CPEB1: variants seen among roughly 807,000 people sequenced by gnomAD.
CPEB1 encodes cytoplasmic polyadenylation element binding protein 1, also known as cytoplasmic polyadenylation element-binding protein 1.
In CPEB1, 7 loss-of-function variants were observed where a neutral mutation model predicts 65.8. That is an observed-to-expected ratio of 0.11 (90% CI 0.06 to 0.20). The LOEUF is 0.20. Ranked by LOEUF, CPEB1 falls within the 10% of genes least tolerant of loss-of-function variation. The pLI is 1.00. For synonymous variants in CPEB1, 262 were observed against 260.0 expected, an observed-to-expected ratio of 1.01 and a Z score of -0.08; for missense variants, 551 against 712.2, an observed-to-expected ratio of 0.77 and a Z score of 2.58.
chr15:82,545,194 T>C (rs2034951433), intron 12 of CPEB1, among the ~76,000 whole-genome samples: 1 of 152,188 alleles, frequency 6.6e-6, no homozygotes, highest in Admixed American at 6.5e-5. Flanking sequence ...AAGCCACTAA[T>C]CTCTGAGCAA....
intron 3 of CPEB1, among the ~76,000 whole-genome samples, chr15:82,594,430 TC>T (rs1170722869): frequency 1.3e-5 from 2 of 152,182 alleles, no homozygotes; most frequent in African/African-American, 4.8e-5. Flanking sequence ...TTCCAAATTT[TC>T]TTGTGCAGCT....
chr15:82,586,453 G>A (rs1400646575), intron 3 of CPEB1, among the ~76,000 whole-genome samples: 8 of 151,986 alleles, frequency 5.3e-5, no homozygotes, highest in African/African-American at 1.7e-4. Flanking sequence ...TTAAACTCTA[G>A]ACTATTTACA....
chr15:82,647,893 G>A (rs1226881509), upstream of CPEB1: 25 of 1,233,422 alleles, frequency 2.0e-5, no homozygotes, highest in East Asian at 7.7e-4. Context: ...GCCCTGCGGG[G>A]CTGACGGGCT....
intron 4 of CPEB1, among the ~76,000 whole-genome samples, chr15:82,565,000 C>T (rs1476268215): frequency 6.6e-6 from 1 of 152,136 alleles, no homozygotes; most frequent in African/African-American, 2.4e-5. Context: ...GATCAGGGTG[C>T]CCCAGAATTA....
chr15:82,558,187 C>G (rs2037562269), intron 4 of CPEB1, among the ~76,000 whole-genome samples: 1 of 152,220 alleles, frequency 6.6e-6, no homozygotes, highest in East Asian at 1.9e-4. Context: ...AAGTTACAAG[C>G]TGACTGAAGA....
chr15:82,607,551 C>T (rs944544209), intron 3 of CPEB1, among the ~76,000 whole-genome samples: 1 of 151,994 alleles, frequency 6.6e-6, no homozygotes, highest in African/African-American at 2.4e-5. Context: ...CACACCACTG[C>T]ACTCCAGCCT....
At chr15:82,641,120 T>C (rs528813580) in intron 1 of CPEB1, among the ~76,000 whole-genome samples, 4 of 152,172 alleles carry the variant, frequency 2.6e-5, no homozygotes, top group East Asian at 3.9e-4. Context: ...TCCTAGTCCA[T>C]GAAAAGAGGA....
intron 3 of CPEB1, among the ~76,000 whole-genome samples, chr15:82,614,848 AGTGT>A (rs752486940): frequency 0.02 from 2,872 of 143,964 alleles, 73 homozygotes; most frequent in African/African-American, 0.06. Context: ...TTAAAATATA[AGTGT>A]GTGTGTGTGT....
intron 6 of CPEB1, 87 bp downstream of exon 6, chr15:82,555,783 C>T: frequency 2.1e-6 from 3 of 1,405,336 alleles, no homozygotes; most frequent in Non-Finnish European, 2.9e-6. Context: ...CTCCTCTAGA[C>T]AGTTCACAAG....
At chr15:82,638,006 A>C (rs2046805271) in intron 1 of CPEB1, 1 of 453,858 alleles carries the variant, frequency 2.2e-6, no homozygotes, top group South Asian at 1.6e-5. Flanking sequence ...ATTTTTGCAG[A>C]TCTCTTTAGT....
intron 3 of CPEB1, among the ~76,000 whole-genome samples, chr15:82,610,562 TA>T (rs561601326): frequency 2.0e-5 from 3 of 150,010 alleles, no homozygotes; most frequent in Admixed American, 6.6e-5. Context: ...AGAACAAAAG[TA>T]AAAAAAAATC....
intron 1 of CPEB1, among the ~76,000 whole-genome samples, chr15:82,635,236 G>A (rs912754648): frequency 2.0e-5 from 3 of 152,224 alleles, no homozygotes; most frequent in African/African-American, 7.2e-5. Flanking sequence ...ATTCTATTAC[G>A]ATTTTGAAGA....
chr15:82,637,727 G>C lies in CPEB1; in HGVS notation c.-97-9171C>G, dbSNP rs76462944. On this transcript the variant is annotated intron_variant, in intron 1 of 12. Transcript: ENST00000684509. Reference sequence around the variant, plus strand: ...CATTCCTGCCTGGATATTCTTACAGGATCTCTGGAAAGTACAAATCTAATC... The same window carrying C: ...CATTCCTGCCTGGATATTCTTACAGCATCTCTGGAAAGTACAAATCTAATC... 7.9e-3 allele frequency among the ~76,000 whole-genome samples: 1,201 copies of C among 152,170 alleles called. 18 individuals carry two copies. Among genetic ancestry groups the C allele is most frequent in the African/African-American group, 0.026 (1,098 of 41,500 alleles).
Position 82,621,186 on chromosome 15 carries a change from T to C in CPEB1, c.271+6007A>G, listed in dbSNP as rs940256935. ...GTTTATGATCCAGTACAATAAGAAG[T>C]GAAACCATCTCAGTCAAAAATTCAA... On this transcript the variant is annotated intron_variant, in intron 3 of 12. Transcript: ENST00000684509. Among the ~76,000 whole-genome samples, 7 of 152,222 alleles carry C rather than the reference T, an allele frequency of 4.6e-5. No individual in the cohort carries two copies. In the East Asian group the frequency reaches 1.4e-3, roughly 29 times the overall value.
intron 3 of CPEB1, among the ~76,000 whole-genome samples, chr15:82,589,704 G>C (rs953918203): frequency 6.6e-6 from 1 of 151,222 alleles, no homozygotes; most frequent in Admixed American, 6.6e-5. Flanking sequence ...CTGGGCAACA[G>C]AGCAAGACTC....
intron 8 of CPEB1, among the ~76,000 whole-genome samples, chr15:82,553,225 G>A (rs2036586283): frequency 6.6e-6 from 1 of 152,152 alleles, no homozygotes; most frequent in Non-Finnish European, 1.5e-5. Context: ...TACAAGGAAG[G>A]GGTTTCAGAG....
rs559295787 is a variant in CPEB1, at chr15:82,589,570, C to A, written c.272-18038G>T. Among the ~76,000 whole-genome samples, 6 of 152,174 alleles carry A rather than the reference C, an allele frequency of 3.9e-5. No homozygotes were observed. The East Asian group carries it at 5.8e-4, about 15-fold the overall frequency. ...ACCAGCCCGGCCAACATGGTGAAACCCTGTCTCTACCAAAAATACAAAAAT... is the reference window on the plus strand; with the variant it reads ...ACCAGCCCGGCCAACATGGTGAAACACTGTCTCTACCAAAAATACAAAAAT... On this transcript the variant is annotated intron_variant, in intron 3 of 12. Coordinates refer to ENST00000684509, the MANE Select transcript of CPEB1 (RefSeq NM_001365242.1).
At chr15:82,611,861 GA>G (rs1264605671) in intron 3 of CPEB1, among the ~76,000 whole-genome samples, 4 of 151,392 alleles carry the variant, frequency 2.6e-5, no homozygotes, top group Admixed American at 1.3e-4. Flanking sequence ...TCGGGGGAGG[GA>G]GGGATCAAAG....
intron 3 of CPEB1, among the ~76,000 whole-genome samples, chr15:82,616,333 G>C (rs1044378552): frequency 4.6e-5 from 7 of 152,152 alleles, no homozygotes; most frequent in African/African-American, 1.4e-4. Flanking sequence ...CATACACAGA[G>C]AAGTATAAAA....
Sources: allele counts gnomAD v4.1 joint callset (sites outside exome capture counted in the v4.1 genomes callset), GRCh38; gene constraint gnomAD v4.1.1; transcripts MANE v1.5; gene names NCBI Gene and HGNC (gene_info 2026-07-23, HGNC 2026-07-21).